AVL9: variants seen among roughly 807,000 people sequenced by gnomAD.
AVL9 encodes the protein late secretory pathway protein AVL9 homolog.
AVL9 carries 49 observed loss-of-function variants against 79.2 expected under a neutral mutation model. That is an observed-to-expected ratio of 0.62 (90% confidence interval 0.49 to 0.79). The LOEUF (loss-of-function observed/expected upper bound fraction) is 0.79. AVL9 is among the 30% of genes least tolerant of loss of function. The pLI is 0.00. For missense variants in AVL9, 682 were observed against 776.8 expected, an observed-to-expected ratio of 0.88 and a Z score of 1.45; for synonymous variants, 299 against 280.6, an observed-to-expected ratio of 1.07 and a Z score of -0.65.
chr7:32,517,930 C>T (rs1206566992), intron 1 of AVL9, among the ~76,000 whole-genome samples: 2 of 152,044 alleles, frequency 1.3e-5, no homozygotes, highest in Admixed American at 6.6e-5. Context: ...CTACCAGGCT[C>T]AAGCGATTCT....
chr7:32,555,903 G>A (rs1790033836), intron 8 of AVL9, among the ~76,000 whole-genome samples: 1 of 151,908 alleles, frequency 6.6e-6, no homozygotes, highest in South Asian at 2.1e-4. Flanking sequence ...AATCTGAATT[G>A]GACACAAAGC....
At chr7:32,543,910 TTTC>T (rs869283562) in intron 2 of AVL9, among the ~76,000 whole-genome samples, 60 of 146,874 alleles carry the variant, frequency 4.1e-4, no homozygotes, top group Admixed American at 1.2e-3. Flanking sequence ...TCTTTCTTTC[TTTC>T]TTTTTTTTTT....
At chr7:32,516,007 A>G (rs1255503247) in intron 1 of AVL9, among the ~76,000 whole-genome samples, 4 of 152,204 alleles carry the variant, frequency 2.6e-5, no homozygotes, top group African/African-American at 9.7e-5. Flanking sequence ...AGAAAAATCT[A>G]GAGATGACTC....
At chr7:32,495,884 C>G (rs1290666107) in intron 1 of AVL9, 82 bp downstream of exon 1, 9 of 934,566 alleles carry the variant, frequency 9.6e-6, no homozygotes, top group Non-Finnish European at 1.3e-5. Context: ...TCTGTGTGCT[C>G]AGCTCGCGTC....
At chr7:32,510,757 T>G (rs1396867971) in intron 1 of AVL9, among the ~76,000 whole-genome samples, 1 of 102,080 alleles carries the variant, frequency 9.8e-6, no homozygotes, top group African/African-American at 3.6e-5. Context: ...AGGGTAAGAT[T>G]TGTGAGCCGT....
At chr7:32,565,499 C>T (rs1477694687) in intron 10 of AVL9, among the ~76,000 whole-genome samples, 3 of 147,204 alleles carry the variant, frequency 2.0e-5, no homozygotes, top group East Asian at 2.0e-4. Flanking sequence ...GCAGAGGTTG[C>T]GATGAGTGGA....
chr7:32,585,951 T>C lies in AVL9; in HGVS notation c.*2044T>C, dbSNP rs899487828. ...GGCCACATCATTCGTTGGAGCATGATAGTGTGATTTGTGTACAATTGTTAC... is the reference window on the plus strand; with the variant it reads ...GGCCACATCATTCGTTGGAGCATGACAGTGTGATTTGTGTACAATTGTTAC... On this transcript the variant is annotated 3_prime_UTR_variant, in exon 16 of 16. Transcript: ENST00000318709. 2.6e-5 allele frequency: 4 copies of C among 152,254 alleles called. No individual in the cohort carries two copies. Among genetic ancestry groups the C allele is most frequent in the African/African-American group, 9.6e-5 (4 of 41,474 alleles). The allele number at this position is 152,254 out of a possible 1,614,324, so 9.4% of individuals were successfully genotyped here. A position where few individuals can be genotyped will look rare whatever the true frequency, so the allele number is the denominator to read the frequency against.
chr7:32,578,336 T>C lies in AVL9; in HGVS notation c.1689-1883T>C, dbSNP rs74973773. 7.0e-3 allele frequency among the ~76,000 whole-genome samples: 1,070 copies of C among 152,304 alleles called. 11 individuals carry two copies. Among genetic ancestry groups the C allele is most frequent in the African/African-American group, 0.025 (1,022 of 41,574 alleles). ...GGGCCTCAGAGCAAACCAGGCTGCA[T>C]TAATGCAGATTTTCTCTACAGATGC... On this transcript the variant is annotated intron_variant, in intron 13 of 15. Transcript: ENST00000318709.
chr7:32,550,949 T>TA (rs1384982536), intron 4 of AVL9, among the ~76,000 whole-genome samples: 1 of 152,230 alleles, frequency 6.6e-6, no homozygotes, highest in African/African-American at 2.4e-5. Flanking sequence ...ATGTGTCAGA[T>TA]ACTTTTTACC....
At chr7:32,574,971 T>C (rs768482015) in intron 12 of AVL9, among the ~76,000 whole-genome samples, 5 of 152,244 alleles carry the variant, frequency 3.3e-5, no homozygotes, top group Non-Finnish European at 5.9e-5. Flanking sequence ...TAGCCATTTG[T>C]ATCAGTTCTC....
intron 1 of AVL9, among the ~76,000 whole-genome samples, chr7:32,500,723 G>T (rs1025718278): frequency 2.0e-5 from 3 of 151,958 alleles, no homozygotes; most frequent in Non-Finnish European, 2.9e-5. Context: ...TTTTCTTCTG[G>T]GGTTTTTATG....
chr7:32,558,410 C>T (rs1790178795), intron 8 of AVL9, 149 bp from the exon 9 acceptor site: 3 of 540,890 alleles, frequency 5.5e-6, no homozygotes, highest in Non-Finnish European at 6.5e-6. Context: ...CCCACCCCGG[C>T]CTCCCAAAGT....
intron 1 of AVL9, among the ~76,000 whole-genome samples, chr7:32,511,273 C>T (rs909793896): frequency 6.9e-6 from 1 of 145,892 alleles, no homozygotes; most frequent in Non-Finnish European, 1.5e-5. Context: ...TCTGAACTGC[C>T]CCAGTATGAG....
At chr7:32,549,783 G>A (rs914251150) in intron 4 of AVL9, among the ~76,000 whole-genome samples, 1 of 151,522 alleles carries the variant, frequency 6.6e-6, no homozygotes, top group African/African-American at 2.4e-5. Context: ...AGCCAGGCAC[G>A]GTGGTGCACC....
chr7:32,554,465 ATTAC>A, intron 7 of AVL9, 89 bp from the exon 8 acceptor site: 1 of 741,320 alleles, frequency 1.3e-6, no homozygotes, highest in Admixed American at 3.0e-5. Context: ...TGTATTTAGT[ATTAC>A]TGATTATGGT....
At chr7:32,556,924 C>T (rs780858690) in intron 8 of AVL9, among the ~76,000 whole-genome samples, 29 of 152,250 alleles carry the variant, frequency 1.9e-4, no homozygotes, top group Non-Finnish European at 3.1e-4. Context: ...GGATTACCAG[C>T]ATGAGCCACC....
At chr7:32,498,097 A>G (rs1420149231) in intron 1 of AVL9, among the ~76,000 whole-genome samples, 1 of 152,264 alleles carries the variant, frequency 6.6e-6, no homozygotes, top group African/African-American at 2.4e-5. Flanking sequence ...TTGGTTAAGC[A>G]TGATAACTTT....
chr7:32,534,520 C>T (rs777793834), intron 1 of AVL9: 1 of 152,042 alleles, frequency 6.6e-6, no homozygotes, highest in Non-Finnish European at 1.5e-5. Flanking sequence ...TTCAGACTTA[C>T]ACACTTCATT....
intron 13 of AVL9, among the ~76,000 whole-genome samples, chr7:32,577,609 C>T (rs1428042736): frequency 1.3e-5 from 2 of 152,148 alleles, no homozygotes; most frequent in Non-Finnish European, 2.9e-5. Flanking sequence ...ATCCTAGTCT[C>T]CTCCCTGGGC....
Sources: gnomAD v4.1 joint callset for allele counts (sites outside exome capture counted in the v4.1 genomes callset) on GRCh38, gnomAD v4.1.1 for gene constraint, MANE v1.5 for transcripts, NCBI Gene and HGNC (gene_info 2026-07-23, HGNC 2026-07-21) for gene names.